The following GPHN variants were observed in gnomAD, a reference collection of about 807,000 sequenced individuals.
The protein encoded by GPHN is gephyrin.
Under a neutral mutation model 95.5 loss-of-function variants are expected in GPHN, and 17 were observed. The ratio of observed to expected loss-of-function variants is 0.18; its 90% CI spans 0.12 to 0.27. The LOEUF is 0.27. Among genes scored for constraint, GPHN ranks in the 10% least tolerant of loss-of-function variants. The pLI is 1.00. For synonymous variants in GPHN, 320 were observed against 322.5 expected (o/e 0.99, Z 0.08); for missense variants, 660 against 978.1 (o/e 0.67, Z 4.34).
chr14:67,520,267 C>T, the GPHN span, among the ~76,000 whole-genome samples: 3 of 152,130 alleles, frequency 2.0e-5, no homozygotes, highest in African/African-American at 4.8e-5. Flanking sequence ...TGTATATTGA[C>T]ATGTATCCAC....
chr14:67,411,396 G>A, the GPHN span, among the ~76,000 whole-genome samples: 16 of 152,052 alleles, frequency 1.1e-4, no homozygotes, highest in Non-Finnish European at 1.6e-4. Flanking sequence ...CAGTTTCCCC[G>A]TCTGTAATAG....
the GPHN span, among the ~76,000 whole-genome samples, chr14:67,422,424 A>G: frequency 6.6e-6 from 1 of 152,160 alleles, no homozygotes; most frequent in Non-Finnish European, 1.5e-5. Context: ...TGTGAGTGTA[A>G]TACACTCTGT....
At chr14:67,476,269 C>T in the GPHN span, among the ~76,000 whole-genome samples, 2 of 152,162 alleles carry the variant, frequency 1.3e-5, no homozygotes, top group Admixed American at 6.6e-5. Flanking sequence ...GCACTTCGTT[C>T]GCATTTTGTC....
chr14:67,089,053 A>G lies in GPHN; in HGVS notation c.1215A>G (p.Val405=), dbSNP rs1161019910. 1 of 1,579,954 alleles carries G rather than the reference A, an allele frequency of 6.3e-7. No homozygotes were observed. Among genetic ancestry groups the G allele is most frequent in the East Asian group, 2.2e-5 (1 of 44,730 alleles). ...ATTTACCCCCCTTCCCAGCATCAGT[A>G]AAAGATGGCTATGCTGTCCGAGGTA... ...KDNLPPFPAS[V]KDGYAVRAAD... The change falls in exon 12 of 23, where the codon GTA becomes GTG. Residue 405 remains valine, a synonymous_variant. Transcript: ENST00000478722.
At chr14:67,514,156 C>T in the GPHN span, among the ~76,000 whole-genome samples, 1 of 152,182 alleles carries the variant, frequency 6.6e-6, no homozygotes, top group South Asian at 2.1e-4. Context: ...CTCTTTCCCT[C>T]CAGGGAGAGC....
At chr14:67,291,069 A>AG in the GPHN span, among the ~76,000 whole-genome samples, 1 of 152,190 alleles carries the variant, frequency 6.6e-6, no homozygotes, top group East Asian at 1.9e-4. Flanking sequence ...CAGGAAAAGC[A>AG]GGGGGGTCGG....
chr14:66,774,582 T>A (rs1193393301), intron 2 of GPHN, among the ~76,000 whole-genome samples: 1 of 152,188 alleles, frequency 6.6e-6, no homozygotes, highest in African/African-American at 2.4e-5. Context: ...ATATTTTTTC[T>A]CTCAAAAAGT....
chr14:67,535,370 CTTTTTTTTTTTTTTTTT>C, the GPHN span, among the ~76,000 whole-genome samples: 2 of 74,192 alleles, frequency 2.7e-5, no homozygotes, highest in Admixed American at 1.9e-4. Context: ...GTGAGCACAT[CTTTTTTTTTTTTTTTTT>C]TTTTTTTTTT....
intron 1 of GPHN, among the ~76,000 whole-genome samples, chr14:66,537,831 A>G (rs1397610824): frequency 6.6e-6 from 1 of 152,072 alleles, no homozygotes; most frequent in South Asian, 2.1e-4. Flanking sequence ...CTGGGCTGGC[A>G]TGTGTTGCTG....
the GPHN span, chr14:67,376,363 T>C: frequency 7.4e-7 from 1 of 1,356,616 alleles, no homozygotes; most frequent in South Asian, 1.5e-5. Context: ...CCAAATTATG[T>C]TATTTACTAA....
intron 1 of GPHN, among the ~76,000 whole-genome samples, chr14:66,560,294 A>C (rs983996259): frequency 7.3e-4 from 111 of 152,198 alleles, no homozygotes; most frequent in Non-Finnish European, 1.1e-3. Flanking sequence ...TTGGTAGCTT[A>C]ATGGGGATGG....
the GPHN span, among the ~76,000 whole-genome samples, chr14:67,275,961 G>A: frequency 9.9e-5 from 15 of 152,090 alleles, no homozygotes; most frequent in Non-Finnish European, 7.4e-5. Flanking sequence ...GGGGTTGGTG[G>A]TGATACCCCC....
chr14:67,347,507 T>TTA, the GPHN span: 2 of 1,489,156 alleles, frequency 1.3e-6, no homozygotes, highest in Non-Finnish European at 9.2e-7. Flanking sequence ...TCTCTCTTTT[T>TTA]TTTTTTTTTC....
chr14:66,548,651 G>A (rs927982022), intron 1 of GPHN, among the ~76,000 whole-genome samples: 6 of 152,084 alleles, frequency 3.9e-5, no homozygotes, highest in African/African-American at 1.4e-4. Flanking sequence ...TTGAAATTAG[G>A]CCAGATAATA....
At chr14:67,111,052 T>C (rs1040285715) in intron 14 of GPHN, among the ~76,000 whole-genome samples, 32 of 152,228 alleles carry the variant, frequency 2.1e-4, no homozygotes, top group African/African-American at 7.2e-4. Flanking sequence ...ATTTTAAAGC[T>C]GAGGTGAAAA....
intron 1 of GPHN, among the ~76,000 whole-genome samples, chr14:66,578,968 A>C (rs941797889): frequency 2.6e-5 from 4 of 151,886 alleles, no homozygotes; most frequent in African/African-American, 9.7e-5. Flanking sequence ...AATCAATTAT[A>C]TCTTTAGTAA....
chr14:67,347,279 A>G, the GPHN span: 6 of 721,436 alleles, frequency 8.3e-6, no homozygotes, highest in African/African-American at 7.2e-5. Context: ...TGTCCTGACT[A>G]TATCAAATAA....
chr14:66,511,804 TATG>T (rs780507436), intron 1 of GPHN, among the ~76,000 whole-genome samples: 5 of 152,052 alleles, frequency 3.3e-5, no homozygotes, highest in Non-Finnish European at 7.4e-5. Context: ...AAAATGAGAT[TATG>T]ATAATTAATG....
At chr14:67,622,175 G>T in the GPHN span, among the ~76,000 whole-genome samples, 4 of 152,140 alleles carry the variant, frequency 2.6e-5, no homozygotes, top group African/African-American at 9.7e-5. Flanking sequence ...AAGGCCATTT[G>T]CTCTGTTCAT....
Sources: gnomAD v4.1 joint callset for allele counts (sites outside exome capture counted in the v4.1 genomes callset) on GRCh38, gnomAD v4.1.1 for gene constraint, MANE v1.5 for transcripts, NCBI Gene and HGNC (gene_info 2026-07-23, HGNC 2026-07-21) for gene names.